Variants in SVEP1 observed in about 807,000 individuals in gnomAD.
SVEP1 encodes sushi, von Willebrand factor type A, EGF and pentraxin domain containing 1.
SVEP1 carries 164 observed loss-of-function variants against 367.3 expected under a neutral mutation model. The observed-to-expected ratio is 0.45, with a 90% CI of 0.39 to 0.51. SVEP1 has a LOEUF of 0.51. Among genes scored for constraint, SVEP1 ranks in the 20% least tolerant of loss-of-function variants. The pLI is 0.00. For synonymous variants in SVEP1, 1,666 were observed against 1,611.6 expected, an observed-to-expected ratio of 1.03 and a Z score of -0.81; for missense variants, 4,117 against 4,425.3, an observed-to-expected ratio of 0.93 and a Z score of 1.98.
At chr9:110,388,975 A>G (rs1196508493) in intron 41 of SVEP1, among the ~76,000 whole-genome samples, 3 of 99,046 alleles carry the variant, frequency 3.0e-5, no homozygotes, top group Admixed American at 9.8e-5. Context: ...TTTAAAAATA[A>G]AAATAAAAAT....
chr9:110,393,885 A>C (rs1588030063), intron 40 of SVEP1, among the ~76,000 whole-genome samples: 1 of 152,192 alleles, frequency 6.6e-6, no homozygotes. Flanking sequence ...GGAGCCCACC[A>C]CAGCTCAAGG....
At position 110,557,254 on chromosome 9, in the gene SVEP1, T is replaced by G. The variant is rs540084798; in HGVS notation, c.532-7150A>C. On this transcript the variant is annotated intron_variant, in intron 1 of 47. Coordinates refer to ENST00000374469, the MANE Select transcript of SVEP1 (RefSeq NM_153366.4). ...CTTCTACACCACTGTTTTGGGTATA[T>G]GCAGTGTCATTCTCTTCTCTACTTC... 8.5e-5 allele frequency among the ~76,000 whole-genome samples: 13 copies of G among 152,362 alleles called. No individual in the cohort carries two copies. In the East Asian group the frequency reaches 2.5e-3, roughly 29 times the overall value.
intron 20 of SVEP1, among the ~76,000 whole-genome samples, chr9:110,457,932 T>C (rs1342125057): frequency 2.6e-5 from 4 of 152,146 alleles, no homozygotes; most frequent in African/African-American, 4.8e-5. Flanking sequence ...GAGTTCAGAG[T>C]AATGACTGAA....
At chr9:110,443,822 T>A in intron 26 of SVEP1, 102 bp from the exon 27 acceptor site, 1 of 1,034,312 alleles carries the variant, frequency 9.7e-7, no homozygotes, top group Non-Finnish European at 1.3e-6. Flanking sequence ...TTTTTGTGGG[T>A]AAAGTACTTT....
chr9:110,461,138 G>A (rs746890241), intron 18 of SVEP1, among the ~76,000 whole-genome samples: 1 of 152,086 alleles, frequency 6.6e-6, no homozygotes, highest in Admixed American at 6.6e-5. Context: ...TGCCATTAAC[G>A]AGTGGAATAT....
At chr9:110,508,265 C>T (rs1442258463) in intron 5 of SVEP1, among the ~76,000 whole-genome samples, 1 of 151,834 alleles carries the variant, frequency 6.6e-6, no homozygotes, top group African/African-American at 2.4e-5. Flanking sequence ...AGAAGCTACT[C>T]TGGTTCCCAT....
At chr9:110,434,935 C>G (rs1332225002) in intron 29 of SVEP1, among the ~76,000 whole-genome samples, 1 of 151,978 alleles carries the variant, frequency 6.6e-6, no homozygotes, top group Non-Finnish European at 1.5e-5. Flanking sequence ...TACCCCATCT[C>G]AAACAGGTGC....
At chr9:110,373,947 C>T (rs527815106) in intron 46 of SVEP1, among the ~76,000 whole-genome samples, 2 of 152,146 alleles carry the variant, frequency 1.3e-5, no homozygotes, top group Non-Finnish European at 2.9e-5. Flanking sequence ...GATAAGAAAC[C>T]ATCTCTTTGA....
Position 110,409,034 on chromosome 9 carries a change from C to A in SVEP1, c.6649-83G>T, listed in dbSNP as rs187515897. 2.0e-3 allele frequency: 2,911 copies of A among 1,421,220 alleles called. 109 individuals are homozygous for A. The Admixed American group carries it at 0.058, about 28-fold the overall frequency. 88.0% of individuals were successfully genotyped at this position (1,421,220 alleles called of 1,614,324 possible). The stretch of plus-strand genomic sequence containing the variant: ...CTAAATCCTTGGATAGTGAAAAAAA[C>A]TAAAAGGTCTATGTTAAAATGAATC... On this transcript the variant is annotated intron_variant, in intron 37 of 47. Transcript: ENST00000374469.
chr9:110,365,701 T>C lies in SVEP1; in HGVS notation c.*838A>G, dbSNP rs1385738749. 1 of 152,274 alleles carries C rather than the reference T, an allele frequency of 6.6e-6. No homozygotes were observed. Among genetic ancestry groups the C allele is most frequent in the Non-Finnish European group, 1.5e-5 (1 of 68,100 alleles). 9.4% of individuals were successfully genotyped at this position (152,274 alleles called of 1,614,324 possible). A position where few individuals can be genotyped will look rare whatever the true frequency, so the allele number is the denominator to read the frequency against. On this transcript the variant is annotated 3_prime_UTR_variant, in exon 48 of 48. Coordinates refer to ENST00000374469, the MANE Select transcript of SVEP1 (RefSeq NM_153366.4). ...CTGGGGAATGTTTCCCATTTGCCTT[T>C]TTCCTTCTCTTTCCCTGTCTTCCCC...
intron 40 of SVEP1, 65 bp downstream of exon 40, chr9:110,400,789 C>T: frequency 6.7e-7 from 1 of 1,501,450 alleles, no homozygotes; most frequent in Non-Finnish European, 8.9e-7. Flanking sequence ...TGTGCTAATA[C>T]TGAAAGTATC....
intron 46 of SVEP1, 57 bp from the exon 47 acceptor site, chr9:110,370,073 C>A (rs1827254042): frequency 6.7e-7 from 1 of 1,484,124 alleles, no homozygotes; most frequent in South Asian, 1.2e-5. Context: ...CTGATGATAT[C>A]CATAAAGGCA....
At position 110,406,507 on chromosome 9, in the gene SVEP1, C is replaced by T. The variant is rs375689138; in HGVS notation, c.9093G>A (p.Gln3031=). The change falls in exon 38 of 48, where the codon CAG becomes CAA. Residue 3031 remains glutamine, a synonymous_variant. Coordinates refer to ENST00000374469, the MANE Select transcript of SVEP1 (RefSeq NM_153366.4). ...DFDCGKAARI[Q]CFKGFKLLGL... ...CTAGGAGCTTGAAGCCTTTGAAGCA[C>T]TGAATCCGGGCTGCCTTTCCACAGT... is the stretch of plus-strand genomic sequence containing the variant. 87 of 1,613,666 alleles carry T rather than the reference C, an allele frequency of 5.4e-5. No individual in the cohort carries two copies. The highest frequency in any genetic ancestry group is 4.9e-4 in the Middle Eastern group (3 of 6,084).
Position 110,408,025 on chromosome 9 carries a change from G to A in SVEP1, c.7575C>T (p.Asn2525=), listed in dbSNP as rs530367417. 20 of 1,614,012 alleles carry A rather than the reference G, an allele frequency of 1.2e-5. No individual in the cohort carries two copies. The South Asian group carries it at 1.8e-4, about 14-fold the overall frequency. ...HYGQTVTYSC[N]RGFRLEGPSA... ...TGGGACCTTCGAGCCGAAAGCCTCGGTTGCAAGAGTAGGTAACGGTCTGTC... is the reference window on the plus strand; with the variant it reads ...TGGGACCTTCGAGCCGAAAGCCTCGATTGCAAGAGTAGGTAACGGTCTGTC... Residue 2525 remains asparagine, a synonymous_variant, in exon 38 of 48, where the codon AAC becomes AAT. Transcript: ENST00000374469.
At chr9:110,503,337 A>G (rs1174581322) in intron 5 of SVEP1, 120 bp from the exon 6 acceptor site, 11 of 968,190 alleles carry the variant, frequency 1.1e-5, no homozygotes, top group Non-Finnish European at 1.7e-5. Flanking sequence ...AAAATAGCAA[A>G]CGACACATAA....
intron 17 of SVEP1, among the ~76,000 whole-genome samples, chr9:110,466,778 A>AAAAAAAAAAAAAAAAACAAAAT (rs1828945047): frequency 6.8e-6 from 1 of 146,416 alleles, no homozygotes; most frequent in Non-Finnish European, 1.5e-5. Flanking sequence ...AAAAAAAAAA[A>AAAAAAAAAAAAAAAAACAAAAT]GAACTGGCTG....
chr9:110,492,445 A>ATT (rs142611872), intron 8 of SVEP1, among the ~76,000 whole-genome samples: 1 of 151,288 alleles, frequency 6.6e-6, no homozygotes, highest in African/African-American at 2.4e-5. Flanking sequence ...AGATACTCTT[A>ATT]TTTTTTTTGC....
At chr9:110,553,596 C>A (rs1355266147) in intron 1 of SVEP1, among the ~76,000 whole-genome samples, 1 of 152,094 alleles carries the variant, frequency 6.6e-6, no homozygotes, top group Non-Finnish European at 1.5e-5. Context: ...TCACTTTAAC[C>A]CCTCTGCGAC....
At chr9:110,391,543 G>GT (rs1312949246) in intron 40 of SVEP1, among the ~76,000 whole-genome samples, 2 of 151,982 alleles carry the variant, frequency 1.3e-5, no homozygotes, top group African/African-American at 2.4e-5. Context: ...AAGTGCTGAG[G>GT]TTATAGGCGT....
Sources: gnomAD v4.1 joint callset for allele counts (sites outside exome capture counted in the v4.1 genomes callset) on GRCh38, gnomAD v4.1.1 for gene constraint, MANE v1.5 for transcripts, NCBI Gene and HGNC (gene_info 2026-07-23, HGNC 2026-07-21) for gene names.